IFT140: variants seen among roughly 807,000 people sequenced by gnomAD.
The protein encoded by IFT140 is intraflagellar transport 140.
Under a neutral mutation model 164.6 loss-of-function variants are expected in IFT140, and 133 were observed. The ratio of observed to expected loss-of-function variants is 0.81; its 90% confidence interval spans 0.70 to 0.93. The LOEUF is 0.93. Ranked by LOEUF, IFT140 falls within the 40% of genes least tolerant of loss-of-function variation. The pLI, the probability that IFT140 is intolerant of heterozygous loss-of-function variation, is 0.00. For missense variants in IFT140, 2,045 were observed against 1,972.3 expected (o/e 1.04, Z -0.70); for synonymous variants, 860 against 817.3 (o/e 1.05, Z -0.89).
intron 11 of IFT140, 22 bp from the exon 12 acceptor site, chr16:1,583,408 C>G: frequency 1.2e-6 from 2 of 1,611,940 alleles, no homozygotes; most frequent in Non-Finnish European, 1.7e-6. Flanking sequence ...CACGGACATT[C>G]GAGGCAAAGG....
rs567800384 is a variant in IFT140, at chr16:1,521,188, C to G, written c.3454-380G>C. ...AGGCTGGAGTGCAGTGGTGCAGTCA[C>G]GGCAGCCTCCACCTCCCCAGGGTCA... On this transcript the variant is annotated intron_variant, in intron 26 of 30. Coordinates refer to ENST00000426508, the MANE Select transcript of IFT140 (RefSeq NM_014714.4). Among the ~76,000 whole-genome samples the G allele has an allele frequency of 2.7e-5, 4 of 150,582 alleles. No homozygotes were observed. The East Asian group carries it at 7.9e-4, about 30-fold the overall frequency.
Position 1,524,533 on chromosome 16 carries a change from C to A in IFT140, c.3141+19G>T. On this transcript the variant is annotated intron_variant, in intron 24 of 30. Transcript: ENST00000426508. Reference sequence around the variant, plus strand: ...GGGACCTCGAGAAGCGCCGGCTCCCCACCCCGGGCCCGTGGTACCTTGCAC... The same window carrying A: ...GGGACCTCGAGAAGCGCCGGCTCCCAACCCCGGGCCCGTGGTACCTTGCAC... 12 of 1,610,518 alleles carry A rather than the reference C, an allele frequency of 7.5e-6. No homozygotes were observed. The highest frequency in any genetic ancestry group is 1.0e-5 in the Non-Finnish European group (12 of 1,178,966).
chr16:1,568,397 C>T, intron 14 of IFT140, 63 bp from the exon 15 acceptor site: 6 of 1,304,704 alleles, frequency 4.6e-6, no homozygotes, highest in Non-Finnish European at 6.6e-6. Flanking sequence ...CTCCGCCCAC[C>T]CTGAAACCTC....
intron 14 of IFT140, among the ~76,000 whole-genome samples, chr16:1,569,125 C>T (rs923499894): frequency 2.6e-5 from 4 of 151,974 alleles, no homozygotes; most frequent in African/African-American, 7.2e-5. Flanking sequence ...CTGCCTCAGC[C>T]TCCCGAGTAG....
chr16:1,510,884 C>T lies in IFT140; in HGVS notation c.*60G>A, dbSNP rs923331704. ...AAAATGCTGGCTTTGCCACAGCTGA[C>T]AAAAAAATTCCAGAAGATGCCTTTC... On this transcript the variant is annotated 3_prime_UTR_variant, in exon 31 of 31. Coordinates refer to ENST00000426508, the MANE Select transcript of IFT140 (RefSeq NM_014714.4). The T allele has an allele frequency of 1.3e-5, 19 of 1,504,066 alleles. No individual in the cohort carries two copies. Among genetic ancestry groups the T allele is most frequent in the Admixed American group, 1.8e-5 (1 of 55,352 alleles). 93.2% of individuals were successfully genotyped at this position (1,504,066 alleles called of 1,614,324 possible). A position where few individuals can be genotyped will look rare whatever the true frequency, so the allele number is the denominator to read the frequency against.
At chr16:1,537,254 C>T (rs766684340) in intron 19 of IFT140, among the ~76,000 whole-genome samples, 1 of 152,090 alleles carries the variant, frequency 6.6e-6, no homozygotes, top group Admixed American at 6.5e-5. Context: ...ACACCGCGTG[C>T]CTCCTCACGC....
intron 3 of IFT140, among the ~76,000 whole-genome samples, chr16:1,604,721 T>C (rs1446905875): frequency 6.6e-6 from 1 of 151,234 alleles, no homozygotes; most frequent in Non-Finnish European, 1.5e-5. Flanking sequence ...GATGGGAACC[T>C]GGAGGAGGGA....
chr16:1,564,804 C>T lies in IFT140; in HGVS notation c.1902-642G>A, dbSNP rs986135901. 3.9e-5 allele frequency among the ~76,000 whole-genome samples: 6 copies of T among 152,202 alleles called. No homozygotes were observed. Among genetic ancestry groups the T allele is most frequent in the Admixed American group, 3.9e-4 (6 of 15,272 alleles). On this transcript the variant is annotated intron_variant, in intron 16 of 30. Coordinates refer to ENST00000426508, the MANE Select transcript of IFT140 (RefSeq NM_014714.4). This position sits in a 1 kb window ranked among gnomAD's most constrained non-coding sequence, Gnocchi z 5.5. ...TGCAGAGTGGGACCCTGCCGGGCAG[C>T]ACGACCCATGGCTGCTGAAGAAGGA...
chr16:1,548,109 C>A (rs1156334671), intron 19 of IFT140, among the ~76,000 whole-genome samples: 1 of 152,222 alleles, frequency 6.6e-6, no homozygotes, highest in Non-Finnish European at 1.5e-5. Flanking sequence ...CTCCCAGGGC[C>A]TCTCCCTCTA....
intron 19 of IFT140, chr16:1,541,249 T>C: frequency 1.0e-6 from 1 of 985,376 alleles, no homozygotes; most frequent in Non-Finnish European, 1.2e-6. Context: ...GAAAGATTTG[T>C]GGCAGATGGG....
chr16:1,560,841 G>A (rs544555319), intron 18 of IFT140, among the ~76,000 whole-genome samples: 5 of 152,370 alleles, frequency 3.3e-5, no homozygotes, highest in African/African-American at 1.2e-4. Context: ...AGTCTACAGG[G>A]TTTAGTCCTT....
chr16:1,542,009 C>T (rs1340193225), intron 19 of IFT140: 1 of 1,611,386 alleles, frequency 6.2e-7, no homozygotes, highest in South Asian at 1.1e-5. Flanking sequence ...GGCTGGTGGG[C>T]CTGCCCCTGC....
At chr16:1,527,702 G>T (rs2040751864) in intron 19 of IFT140, among the ~76,000 whole-genome samples, 1 of 152,178 alleles carries the variant, frequency 6.6e-6, no homozygotes, top group Non-Finnish European at 1.5e-5. Context: ...CTCCCAAATA[G>T]CTGGGACCAC....
At chr16:1,597,750 C>T (rs1005689584) in intron 4 of IFT140, among the ~76,000 whole-genome samples, 1 of 152,190 alleles carries the variant, frequency 6.6e-6, no homozygotes, top group Non-Finnish European at 1.5e-5. Context: ...ACCTGGGTTT[C>T]ATTTTATGCC....
In IFT140 at chr16:1,511,039, G is replaced by A; in HGVS notation, c.4294C>T (p.Pro1432Ser). The A allele has an allele frequency of 1.2e-6, 2 of 1,606,352 alleles. No homozygotes were observed. Among genetic ancestry groups the A allele is most frequent in the Non-Finnish European group, 1.7e-6 (2 of 1,176,268 alleles). Residue 1432 changes from proline (P) to serine (S), a missense_variant, in exon 31 of 31, where the codon CCA (proline) becomes TCA (serine). Transcript: ENST00000426508. ...AVHRGLGLPL[P>S]RTVPEQVRHN... ...CGGACCTGCTCGGGGACGGTGCGTG[G>A]CAGTGGGAGACCCAGCCCCCGGTGC...
At chr16:1,520,430 G>A (rs2040487251) in intron 27 of IFT140, 87 bp from the exon 28 acceptor site, 4 of 1,459,168 alleles carry the variant, frequency 2.7e-6, no homozygotes, top group Non-Finnish European at 2.9e-6. Context: ...CTCACAAGAA[G>A]AGTGGCTCAG....
chr16:1,557,327 G>C (rs562030640), intron 19 of IFT140, among the ~76,000 whole-genome samples: 6 of 152,178 alleles, frequency 3.9e-5, no homozygotes, highest in Non-Finnish European at 5.9e-5. Flanking sequence ...GGACGACAGC[G>C]GGCCGGGGTC....
intron 13 of IFT140, chr16:1,576,975 ACCT>A (rs1420101444): frequency 6.6e-6 from 1 of 152,104 alleles, no homozygotes; most frequent in Non-Finnish European, 1.5e-5. Context: ...AGTGCTAATC[ACCT>A]CCGAGTGGGC....
At chr16:1,570,566 T>C (rs1243230419) in intron 14 of IFT140, among the ~76,000 whole-genome samples, 1 of 152,162 alleles carries the variant, frequency 6.6e-6, no homozygotes, top group African/African-American at 2.4e-5. Flanking sequence ...GGGAGCAGAA[T>C]TCTCCACTAG....
Sources: gnomAD v4.1 joint callset for allele counts (sites outside exome capture counted in the v4.1 genomes callset) on GRCh38, gnomAD v4.1.1 for gene constraint, Gnocchi (gnomAD v3.1) non-coding constraint, MANE v1.5 for transcripts, NCBI Gene and HGNC (gene_info 2026-07-23, HGNC 2026-07-21) for gene names.